The following ADCY3 variants were observed in gnomAD, a reference collection of about 807,000 sequenced individuals.
The protein encoded by ADCY3 is adenylate cyclase type 3.
A neutral mutation model predicts 119.4 loss-of-function variants in ADCY3; 70 were observed. The ratio of observed to expected loss-of-function variants is 0.59; its 90% CI spans 0.48 to 0.72. The LOEUF is 0.72. Among genes scored for constraint, ADCY3 ranks in the 30% least tolerant of loss-of-function variants. The pLI is 0.00. For synonymous variants in ADCY3, 672 were observed against 621.4 expected (o/e 1.08, Z -1.21); for missense variants, 1,238 against 1,541.6 (o/e 0.80, Z 3.30).
At chr2:24,839,603 C>T (rs1044788375) in intron 7 of ADCY3, among the ~76,000 whole-genome samples, 4 of 152,236 alleles carry the variant, frequency 2.6e-5, no homozygotes, top group East Asian at 1.9e-4. Flanking sequence ...CCCCCTAAGT[C>T]GGTAAAGGGG....
intron 2 of ADCY3, among the ~76,000 whole-genome samples, chr2:24,888,341 G>A (rs147285110): frequency 6.1e-4 from 93 of 152,302 alleles, no homozygotes; most frequent in African/African-American, 2.2e-3. Flanking sequence ...CCAGCTGGAC[G>A]GCTCAGCTCC....
chr2:24,891,271 G>T (rs138475265), intron 2 of ADCY3, among the ~76,000 whole-genome samples: 1 of 152,154 alleles, frequency 6.6e-6, no homozygotes, highest in Admixed American at 6.6e-5. Context: ...AATATTAAAT[G>T]AAAAATTTAA....
chr2:24,831,838 C>A (rs1572822354), intron 11 of ADCY3, 89 bp from the exon 12 acceptor site: 1 of 430,306 alleles, frequency 2.3e-6, no homozygotes, highest in South Asian at 3.5e-5. Flanking sequence ...GGGATGGGGG[C>A]AGGGGCCAGG....
chr2:24,898,372 G>A lies in ADCY3; in HGVS notation c.675+19941C>T, dbSNP rs538909161. Among the ~76,000 whole-genome samples the A allele has an allele frequency of 6.6e-6, 1 of 152,056 alleles. No homozygotes were observed. Among genetic ancestry groups the A allele is most frequent in the Non-Finnish European group, 1.5e-5 (1 of 68,018 alleles). On this transcript the variant is annotated intron_variant, in intron 2 of 21. Transcript: ENST00000679454. The surrounding 1 kb of genome is among the most constrained non-coding windows in gnomAD (Gnocchi z 4.3). Reference sequence around the variant, plus strand: ...GGAAGGGAGTGGACCTACTGTCTGCGGGATGGGAGTCGGGACACTGACTGT... The same window carrying A: ...GGAAGGGAGTGGACCTACTGTCTGCAGGATGGGAGTCGGGACACTGACTGT...
rs1279872103 is a variant in ADCY3, at chr2:24,834,966, G to T, written c.1663-30C>A. On this transcript the variant is annotated intron_variant, in intron 9 of 21. Transcript: ENST00000679454. This position sits in a 1 kb window ranked among gnomAD's most constrained non-coding sequence, Gnocchi z 4.2. ...GAGCCAGGGAGGCAGCGTGAGTGGG[G>T]CAGATGGGACAGAGTGGTGGGGAAG... is the stretch of plus-strand genomic sequence containing the variant. 3.7e-6 allele frequency: 6 copies of T among 1,608,456 alleles called. No individual in the cohort carries two copies. Among genetic ancestry groups the T allele is most frequent in the Non-Finnish European group, 5.1e-6 (6 of 1,178,198 alleles).
intron 8 of ADCY3, among the ~76,000 whole-genome samples, chr2:24,837,913 C>T (rs1380502735): frequency 6.6e-6 from 1 of 152,010 alleles, no homozygotes; most frequent in Non-Finnish European, 1.5e-5. Flanking sequence ...TTGTTTGGCC[C>T]GAGACAATTC....
chr2:24,882,534 T>C (rs1013641284), intron 2 of ADCY3, among the ~76,000 whole-genome samples: 1 of 152,230 alleles, frequency 6.6e-6, no homozygotes, highest in African/African-American at 2.4e-5. Context: ...TCCTGTCTTC[T>C]CTTATTGATG....
intron 17 of ADCY3, among the ~76,000 whole-genome samples, 161 bp downstream of exon 17, chr2:24,824,217 A>T (rs1182800099): frequency 6.6e-6 from 1 of 152,236 alleles, no homozygotes; most frequent in Non-Finnish European, 1.5e-5. Context: ...GGCCGGAGAA[A>T]TTCCTCTTTT....
At position 24,899,351 on chromosome 2, in the gene ADCY3, C is replaced by T. The variant is rs900204221; in HGVS notation, c.675+18962G>A. Among the ~76,000 whole-genome samples, 1 of 152,166 alleles carries T rather than the reference C, an allele frequency of 6.6e-6. No individual in the cohort carries two copies. On this transcript the variant is annotated intron_variant, in intron 2 of 21. Transcript: ENST00000679454. This position sits in a 1 kb window ranked among gnomAD's most constrained non-coding sequence, Gnocchi z 4.5. ...CCTTCTTCAATCCCAATAAATAAAC[C>T]ATTCTCTTGCGACCAAAGCCCATGT...
At chr2:24,917,463 C>A (rs1321996147) in intron 2 of ADCY3, among the ~76,000 whole-genome samples, 2 of 152,360 alleles carry the variant, frequency 1.3e-5, no homozygotes, top group Non-Finnish European at 2.9e-5. Context: ...CACCGGCTTG[C>A]TGGCTCCCCA....
chr2:24,831,788 G>T, intron 11 of ADCY3, 39 bp from the exon 12 acceptor site: 1 of 1,310,614 alleles, frequency 7.6e-7, no homozygotes. Context: ...GGCCAGAGGG[G>T]ACAGTGAGAT....
rs1308070491 is a variant in ADCY3, at chr2:24,825,339, GGGGGGGGGGTGC to G, written c.2577+694_2577+705del. ...GTTGAGTGCGGTGGTTGTGGCGGGG[GGGGGGGGGGTGC>G]GGGGGGGGTGTCTCACTTTGTCACC... On this transcript the variant is annotated intron_variant, in intron 16 of 21. Coordinates refer to ENST00000679454, the MANE Select transcript of ADCY3 (RefSeq NM_004036.5). 1.2e-3 allele frequency among the ~76,000 whole-genome samples: 26 copies of G among 21,296 alleles called. No individual in the cohort carries two copies. The East Asian group carries it at 0.044, about 36-fold the overall frequency. 14.0% of individuals were successfully genotyped at this position (21,296 alleles called of 152,430 possible).
At chr2:24,822,396 G>A (rs1667911091) in intron 19 of ADCY3, 115 bp downstream of exon 19, 1 of 1,393,734 alleles carries the variant, frequency 7.2e-7, no homozygotes, top group Non-Finnish European at 9.9e-7. Context: ...TGCTGGTGGT[G>A]TGTGTCTGGG....
At chr2:24,826,594 C>G (rs1014605898) in intron 15 of ADCY3, 1 of 155,216 alleles carries the variant, frequency 6.4e-6, no homozygotes, top group Non-Finnish European at 1.4e-5. Context: ...CATGAATATA[C>G]CAGTTATGTA....
intron 2 of ADCY3, among the ~76,000 whole-genome samples, chr2:24,881,682 A>T (rs1222247241): frequency 6.6e-6 from 1 of 152,254 alleles, no homozygotes; most frequent in Non-Finnish European, 1.5e-5. Context: ...TACAGTGGTA[A>T]AAAGAAGCTG....
At chr2:24,907,855 G>A (rs1663062522) in intron 2 of ADCY3, among the ~76,000 whole-genome samples, 1 of 151,156 alleles carries the variant, frequency 6.6e-6, no homozygotes, top group South Asian at 2.1e-4. Context: ...TTAGCCGGGT[G>A]TGGTGGTGAG....
chr2:24,880,002 C>T (rs1395032109), intron 2 of ADCY3, among the ~76,000 whole-genome samples: 3 of 152,168 alleles, frequency 2.0e-5, no homozygotes, highest in African/African-American at 7.2e-5. Context: ...CTGAGATCTC[C>T]AATAAATGCA....
intron 14 of ADCY3, 102 bp downstream of exon 14, chr2:24,827,800 G>C (rs1345948087): frequency 6.5e-7 from 1 of 1,547,348 alleles, no homozygotes; most frequent in East Asian, 2.3e-5. Flanking sequence ...AGGACCCCTA[G>C]TGGCAGAAAG....
chr2:24,851,873 G>A (rs976144151), intron 3 of ADCY3, among the ~76,000 whole-genome samples: 2 of 152,114 alleles, frequency 1.3e-5, no homozygotes, highest in Non-Finnish European at 2.9e-5. Flanking sequence ...CATTCCTATT[G>A]TCTCGCGCGT....
Sources: allele counts gnomAD v4.1 joint callset (sites outside exome capture counted in the v4.1 genomes callset), GRCh38; gene constraint gnomAD v4.1.1; non-coding constraint Gnocchi (gnomAD v3.1); transcripts MANE v1.5; gene names NCBI Gene and HGNC (gene_info 2026-07-23, HGNC 2026-07-21).